Variants in RABGAP1L observed in about 807,000 individuals in gnomAD.
RABGAP1L encodes the protein rab GTPase-activating protein 1-like.
A neutral mutation model predicts 137.7 loss-of-function variants in RABGAP1L; 63 were observed. That is an observed-to-expected ratio of 0.46 (90% CI 0.37 to 0.56). The LOEUF (loss-of-function observed/expected upper bound fraction) is 0.56. Ranked by LOEUF, RABGAP1L falls within the 20% of genes least tolerant of loss-of-function variation. The pLI, the probability that RABGAP1L is intolerant of heterozygous loss-of-function variation, is 0.00. For synonymous variants in RABGAP1L, 431 were observed against 433.7 expected (o/e 0.99, Z 0.08); for missense variants, 1,095 against 1,244.0 (o/e 0.88, Z 1.80).
At chr1:174,323,151 A>AATCT (rs1680154824) in intron 11 of RABGAP1L, among the ~76,000 whole-genome samples, 3 of 152,192 alleles carry the variant, frequency 2.0e-5, no homozygotes, top group African/African-American at 4.8e-5. Context: ...TTGAAGAAAG[A>AATCT]TAACTGATTT....
At chr1:174,579,975 G>C (rs1668618135) in intron 13 of RABGAP1L, among the ~76,000 whole-genome samples, 1 of 152,286 alleles carries the variant, frequency 6.6e-6, no homozygotes, top group Non-Finnish European at 1.5e-5. Context: ...TGGCCAGGCT[G>C]GTCTTGAACT....
chr1:174,239,389 C>T (rs1042323661), intron 4 of RABGAP1L, among the ~76,000 whole-genome samples: 1 of 152,166 alleles, frequency 6.6e-6, no homozygotes, highest in African/African-American at 2.4e-5. Flanking sequence ...TGTATTCATT[C>T]TTATAGGACT....
At chr1:174,750,767 G>T (rs1298862954) in intron 17 of RABGAP1L, among the ~76,000 whole-genome samples, 1 of 152,202 alleles carries the variant, frequency 6.6e-6, no homozygotes, top group Non-Finnish European at 1.5e-5. Context: ...CAGAGAAATA[G>T]TGGATCAGGT....
chr1:174,716,416 GGACTGCAGGTATGCGCCACTGTACCCA>G (rs1191120830), intron 17 of RABGAP1L, among the ~76,000 whole-genome samples: 1 of 152,108 alleles, frequency 6.6e-6, no homozygotes, highest in Non-Finnish European at 1.5e-5. Flanking sequence ...CAAGTAGCTG[GGACTGCAGGTATGCGCCACTGTACCCA>G]GCTGTTTGGC....
At chr1:174,177,259 G>A (rs1232921578) in intron 1 of RABGAP1L, among the ~76,000 whole-genome samples, 1 of 152,076 alleles carries the variant, frequency 6.6e-6, no homozygotes, top group African/African-American at 2.4e-5. Context: ...TCTTATGTTT[G>A]TTGGCCGCAT....
At chr1:174,572,082 A>G (rs570781960) in intron 13 of RABGAP1L, among the ~76,000 whole-genome samples, 2 of 152,344 alleles carry the variant, frequency 1.3e-5, no homozygotes, top group African/African-American at 4.8e-5. Flanking sequence ...ATTCCCTGCT[A>G]AATCAAACTG....
intron 11 of RABGAP1L, among the ~76,000 whole-genome samples, chr1:174,370,239 A>G (rs1684993354): frequency 6.6e-6 from 1 of 152,136 alleles, no homozygotes; most frequent in Admixed American, 6.5e-5. Flanking sequence ...GTCAAAGACT[A>G]TTTTATAATA....
intron 1 of RABGAP1L, among the ~76,000 whole-genome samples, chr1:174,189,785 A>G (rs1014762806): frequency 2.0e-5 from 3 of 152,172 alleles, no homozygotes; most frequent in Non-Finnish European, 4.4e-5. Flanking sequence ...TCTGGGCAAC[A>G]TAGTGAGACT....
intron 19 of RABGAP1L, among the ~76,000 whole-genome samples, chr1:174,927,088 T>TG (rs1403509723): frequency 6.7e-6 from 1 of 149,596 alleles, no homozygotes; most frequent in African/African-American, 2.5e-5. Flanking sequence ...AAAAAAAAAG[T>TG]GGGGGGGCCA....
chr1:174,791,789 G>A (rs750605523), intron 18 of RABGAP1L, among the ~76,000 whole-genome samples: 1 of 152,178 alleles, frequency 6.6e-6, no homozygotes, highest in Non-Finnish European at 1.5e-5. Flanking sequence ...GTAGCTCCTT[G>A]AACTGTTCAT....
intron 13 of RABGAP1L, among the ~76,000 whole-genome samples, chr1:174,490,388 C>G (rs1472398788): frequency 6.6e-6 from 1 of 152,132 alleles, no homozygotes; most frequent in African/African-American, 2.4e-5. Context: ...TGTGGATTAC[C>G]AGGCAGAGAC....
At chr1:174,394,969 C>CA (rs1553292891) in intron 13 of RABGAP1L, among the ~76,000 whole-genome samples, 2 of 142,456 alleles carry the variant, frequency 1.4e-5, no homozygotes, top group East Asian at 2.0e-4. Context: ...TTTAATTTAA[C>CA]TTTTTTTTTT....
At chr1:174,360,606 A>G (rs1014248369) in intron 11 of RABGAP1L, among the ~76,000 whole-genome samples, 7 of 152,156 alleles carry the variant, frequency 4.6e-5, no homozygotes, top group East Asian at 3.8e-4. Context: ...GACCCAACAT[A>G]TAACTTGTAG....
intron 12 of RABGAP1L, among the ~76,000 whole-genome samples, chr1:174,376,794 G>A (rs1255392707): frequency 6.6e-6 from 1 of 152,170 alleles, no homozygotes; most frequent in Non-Finnish European, 1.5e-5. Context: ...TGGGAATAAG[G>A]TAGGGATATC....
At chr1:174,736,699 C>T (rs1283963604) in intron 17 of RABGAP1L, among the ~76,000 whole-genome samples, 1 of 152,252 alleles carries the variant, frequency 6.6e-6, no homozygotes, top group Non-Finnish European at 1.5e-5. Flanking sequence ...CTTTTTCATA[C>T]ATGTCCTGAA....
chr1:174,423,127 A>G (rs2149171445), intron 13 of RABGAP1L, among the ~76,000 whole-genome samples: 1 of 152,218 alleles, frequency 6.6e-6, no homozygotes, highest in South Asian at 2.1e-4. Flanking sequence ...TTTGAAATGA[A>G]AAAGATCTAA....
At chr1:174,489,829 A>T (rs1170454097) in intron 13 of RABGAP1L, among the ~76,000 whole-genome samples, 1 of 152,172 alleles carries the variant, frequency 6.6e-6, no homozygotes, top group African/African-American at 2.4e-5. Context: ...ACATATTTAC[A>T]CTATGGAGTA....
chr1:174,231,536 T>G (rs1319723590), intron 4 of RABGAP1L, among the ~76,000 whole-genome samples, 181 bp downstream of exon 4: 1 of 152,180 alleles, frequency 6.6e-6, no homozygotes, highest in African/African-American at 2.4e-5. Flanking sequence ...ATTGTATTAG[T>G]CTATTCTTGC....
chr1:174,739,657 A>T (rs1374050586), intron 17 of RABGAP1L, among the ~76,000 whole-genome samples: 1 of 152,238 alleles, frequency 6.6e-6, no homozygotes, highest in African/African-American at 2.4e-5. Flanking sequence ...CATGGTTGAG[A>T]GCCAATGGTC....
Sources: allele counts gnomAD v4.1 joint callset (sites outside exome capture counted in the v4.1 genomes callset), GRCh38; gene constraint gnomAD v4.1.1; transcripts MANE v1.5; gene names NCBI Gene and HGNC (gene_info 2026-07-23, HGNC 2026-07-21).